Variants in FOXN2 observed in about 807,000 individuals in gnomAD.
FOXN2 encodes the protein forkhead box protein N2.
FOXN2 carries 19 observed loss-of-function variants against 41.2 expected under a neutral mutation model. The ratio of observed to expected loss-of-function variants is 0.46; its 90% CI spans 0.32 to 0.68. FOXN2 has a LOEUF of 0.68. Among genes scored for constraint, FOXN2 ranks in the 30% least tolerant of loss-of-function variants. The pLI, the probability that FOXN2 is intolerant of heterozygous loss-of-function variation, is 0.03. For synonymous variants in FOXN2, 195 were observed against 176.8 expected, an observed-to-expected ratio of 1.10 and a Z score of -0.82; for missense variants, 587 against 509.4, an observed-to-expected ratio of 1.15 and a Z score of -1.47.
In FOXN2 at chr2:48,377,752, G is replaced by T. The variant is rs1184792425; in HGVS notation, c.*2309G>T. 1 of 152,048 alleles carries T rather than the reference G, an allele frequency of 6.6e-6. No individual in the cohort carries two copies. Among genetic ancestry groups the T allele is most frequent in the Non-Finnish European group, 1.5e-5 (1 of 67,932 alleles). The allele number at this position is 152,048 out of a possible 1,614,324, so 9.4% of individuals were successfully genotyped here. ...TACAGTTTCTTAAACATAATTTAAT[G>T]CATCACCTTCCACTTGCTAACATAC... is the stretch of plus-strand genomic sequence containing the variant. On this transcript the variant is annotated 3_prime_UTR_variant, in exon 7 of 7. Transcript: ENST00000340553.
intron 5 of FOXN2, 60 bp downstream of exon 5, chr2:48,362,767 C>T: frequency 7.5e-7 from 1 of 1,336,626 alleles, no homozygotes; most frequent in African/African-American, 1.4e-5. Flanking sequence ...CAACAACAGG[C>T]AGTGCATAAC....
intron 1 of FOXN2, among the ~76,000 whole-genome samples, chr2:48,327,830 T>C (rs1669780335): frequency 6.6e-6 from 1 of 152,378 alleles, no homozygotes; most frequent in South Asian, 2.1e-4. Context: ...GAGGTTAATG[T>C]AGCCCTATTT....
intron 2 of FOXN2, among the ~76,000 whole-genome samples, chr2:48,336,021 C>G (rs1670321144): frequency 7.3e-6 from 1 of 136,410 alleles, no homozygotes; most frequent in Non-Finnish European, 1.6e-5. Flanking sequence ...GAGCAAGACT[C>G]TGTCTCAAAA....
chr2:48,314,410 C>T (rs1037392087), upstream of FOXN2, among the ~76,000 whole-genome samples: 5 of 152,232 alleles, frequency 3.3e-5, no homozygotes, highest in Non-Finnish European at 1.5e-5. Context: ...ACCCTGCTTT[C>T]CGTGTGAGCC....
At chr2:48,366,481 G>A (rs369014498) in intron 5 of FOXN2, among the ~76,000 whole-genome samples, 1 of 152,132 alleles carries the variant, frequency 6.6e-6, no homozygotes, top group Non-Finnish European at 1.5e-5. Context: ...AGAGTTGTCT[G>A]GCAGTTGCTA....
chr2:48,358,681 C>A (rs565505967), intron 3 of FOXN2, among the ~76,000 whole-genome samples: 1 of 152,166 alleles, frequency 6.6e-6, no homozygotes, highest in East Asian at 1.9e-4. Context: ...AGATTTGATA[C>A]ACGCAAAAAG....
At chr2:48,374,118 C>A (rs1673082446) in intron 6 of FOXN2, among the ~76,000 whole-genome samples, 1 of 150,140 alleles carries the variant, frequency 6.7e-6, no homozygotes, top group Admixed American at 6.6e-5. Flanking sequence ...AGAAAAGTGA[C>A]ATAAAATGCT....
At chr2:48,332,908 T>C (rs1199286802) in intron 2 of FOXN2, among the ~76,000 whole-genome samples, 1 of 152,198 alleles carries the variant, frequency 6.6e-6, no homozygotes, top group Non-Finnish European at 1.5e-5. Context: ...CAAGCAATAT[T>C]TCTTCACAGC....
intron 3 of FOXN2, among the ~76,000 whole-genome samples, chr2:48,357,728 A>G (rs1045514204): frequency 2.6e-5 from 4 of 151,984 alleles, no homozygotes; most frequent in African/African-American, 9.6e-5. Flanking sequence ...GAGCCACCGC[A>G]CCTGGCCTGG....
chr2:48,336,923 C>T (rs982662322), intron 2 of FOXN2, among the ~76,000 whole-genome samples: 3 of 151,796 alleles, frequency 2.0e-5, no homozygotes, highest in Non-Finnish European at 4.4e-5. Context: ...ATGGGGTATC[C>T]ATCATTTCAA....
intron 5 of FOXN2, among the ~76,000 whole-genome samples, chr2:48,368,315 GA>G (rs1175347883): frequency 9.9e-5 from 15 of 152,060 alleles, no homozygotes; most frequent in Admixed American, 8.5e-4. Flanking sequence ...CTTTATCAAT[GA>G]AAAAATACCA....
intron 3 of FOXN2, among the ~76,000 whole-genome samples, chr2:48,353,845 C>G (rs1671621914): frequency 6.8e-6 from 1 of 147,550 alleles, no homozygotes; most frequent in Non-Finnish European, 1.5e-5. Flanking sequence ...TATCCTCTGT[C>G]TTTTTTTTTT....
chr2:48,365,750 A>T (rs1403033355), intron 5 of FOXN2, among the ~76,000 whole-genome samples: 2 of 152,216 alleles, frequency 1.3e-5, no homozygotes, highest in Non-Finnish European at 2.9e-5. Flanking sequence ...GGTCGTTGGC[A>T]TTCTAGGTTA....
chr2:48,359,290 T>G, intron 4 of FOXN2, 143 bp downstream of exon 4: 1 of 623,152 alleles, frequency 1.6e-6, no homozygotes, highest in Non-Finnish European at 2.7e-6. Context: ...TAGTTTTTAG[T>G]TTTTGTTTTT....
chr2:48,359,061 T>G lies in FOXN2; in HGVS notation c.552T>G (p.Gly184=), dbSNP rs1671995252. 1.2e-6 allele frequency: 2 copies of G among 1,612,776 alleles called. No individual in the cohort carries two copies. Among genetic ancestry groups the G allele is most frequent in the African/African-American group, 1.3e-5 (1 of 74,868 alleles). The change falls in exon 4 of 7, where the codon GGT becomes GGG. Residue 184 remains glycine (G), a synonymous_variant. Transcript: ENST00000340553. Reference sequence around the variant, plus strand: ...TTTTATTCTAGGTTAATGGAAAAGGTTCCTTATGGTGTGTTGATCCGGAAT... The same window carrying G: ...TTTTATTCTAGGTTAATGGAAAAGGGTCCTTATGGTGTGTTGATCCGGAAT... ...ERSHGKVNGK[G]SLWCVDPEYK...
At chr2:48,320,805 A>G (rs1028445712) in intron 1 of FOXN2, among the ~76,000 whole-genome samples, 3 of 152,346 alleles carry the variant, frequency 2.0e-5, no homozygotes, top group Admixed American at 2.0e-4. Flanking sequence ...AGGGAAGAAT[A>G]CAAGGTAGGG....
chr2:48,343,491 G>A (rs917016635), intron 2 of FOXN2, among the ~76,000 whole-genome samples: 1 of 152,194 alleles, frequency 6.6e-6, no homozygotes, highest in Non-Finnish European at 1.5e-5. Flanking sequence ...AGGCATGGTG[G>A]CTCATGCCTG....
chr2:48,349,668 G>A (rs1671331509), intron 3 of FOXN2, among the ~76,000 whole-genome samples: 1 of 152,108 alleles, frequency 6.6e-6, no homozygotes, highest in Non-Finnish European at 1.5e-5. Flanking sequence ...CCAGCTACTC[G>A]GGAGGCTGAA....
At chr2:48,320,706 CATT>C (rs760883439) in intron 1 of FOXN2, among the ~76,000 whole-genome samples, 2 of 152,024 alleles carry the variant, frequency 1.3e-5, no homozygotes, top group African/African-American at 2.4e-5. Flanking sequence ...TGAAAAAAAT[CATT>C]AATCTTTGTA....
Sources: gnomAD v4.1 joint callset for allele counts (sites outside exome capture counted in the v4.1 genomes callset) on GRCh38, gnomAD v4.1.1 for gene constraint, MANE v1.5 for transcripts, NCBI Gene and HGNC (gene_info 2026-07-23, HGNC 2026-07-21) for gene names.